Variants in SGMS2 observed in about 807,000 individuals in gnomAD.
SGMS2 encodes the protein sphingomyelin synthase 2.
SGMS2 carries 21 observed loss-of-function variants against 43.8 expected under a neutral mutation model. That is an observed-to-expected ratio of 0.48 (90% CI 0.34 to 0.69). The LOEUF is 0.69. SGMS2 is among the 30% of genes least tolerant of loss of function. The probability of loss-of-function intolerance (pLI) is 0.01; values close to 1 mark genes in which losing one functional copy is unlikely to be tolerated. For missense variants in SGMS2, 384 were observed against 443.2 expected (o/e 0.87, Z 1.20); for synonymous variants, 167 against 160.6 (o/e 1.04, Z -0.30).
rs751873442 is a variant in SGMS2 at position 107,895,516 on chromosome 4, C to A, written c.-38C>A. ...GCTAAATTTCCACAAAGAACAAGAA[C>A]TTGACCATCTCCTTTTTGATCTGAA... is the stretch of plus-strand genomic sequence containing the variant. On this transcript the variant is annotated 5_prime_UTR_variant, in exon 3 of 7. Coordinates refer to ENST00000690982, the MANE Select transcript of SGMS2 (RefSeq NM_001375905.1). 5 of 1,566,386 alleles carry A rather than the reference C, an allele frequency of 3.2e-6. No homozygotes were observed. In the Admixed American group the frequency reaches 7.6e-5, roughly 24 times the overall value.
chr4:107,887,076 G>T (rs1258806075), intron 2 of SGMS2, among the ~76,000 whole-genome samples: 1 of 152,118 alleles, frequency 6.6e-6, no homozygotes, highest in African/African-American at 2.4e-5. Context: ...AAGTTAAAAA[G>T]ATTACTTTAG....
At chr4:107,893,291 C>T (rs972855967) in intron 2 of SGMS2, 6 of 152,192 alleles carry the variant, frequency 3.9e-5, no homozygotes, top group Non-Finnish European at 5.9e-5. Flanking sequence ...GTTTCAAAAT[C>T]ACAAGCTTCT....
At chr4:107,879,153 T>G (rs766276690) in intron 2 of SGMS2, among the ~76,000 whole-genome samples, 4 of 151,972 alleles carry the variant, frequency 2.6e-5, no homozygotes, top group Non-Finnish European at 4.4e-5. Context: ...TTTCCCCCTT[T>G]TAATCTAGCT....
At chr4:107,862,406 A>G (rs1727787653) in intron 2 of SGMS2, among the ~76,000 whole-genome samples, 1 of 152,246 alleles carries the variant, frequency 6.6e-6, no homozygotes, top group Non-Finnish European at 1.5e-5. Flanking sequence ...AATTCTTGTT[A>G]TCAAAGAAAA....
At chr4:107,903,999 G>A (rs1251249300) in intron 5 of SGMS2, among the ~76,000 whole-genome samples, 1 of 152,082 alleles carries the variant, frequency 6.6e-6, no homozygotes, top group African/African-American at 2.4e-5. Flanking sequence ...TTCTATATTT[G>A]TATGCTTAGT....
Position 107,895,404 on chromosome 4 carries a change from G to A in SGMS2, c.-150G>A, listed in dbSNP as rs557209731. ...TAGCTGCATGGAAGAAACAGTAATC[G>A]GATGGCTACCTTCTACATTTTGTAT... On this transcript the variant is annotated 5_prime_UTR_variant, in exon 3 of 7. Transcript: ENST00000690982. 141 of 773,092 alleles carry A rather than the reference G, an allele frequency of 1.8e-4. 1 individual carries two copies. Among genetic ancestry groups the A allele is most frequent in the South Asian group, 1.4e-3 (72 of 52,554 alleles). 47.9% of individuals were successfully genotyped at this position (773,092 alleles called of 1,614,324 possible). A position where few individuals can be genotyped will look rare whatever the true frequency, so the allele number is the denominator to read the frequency against.
intron 2 of SGMS2, among the ~76,000 whole-genome samples, chr4:107,861,465 A>G (rs1727726946): frequency 6.6e-6 from 1 of 152,180 alleles, no homozygotes; most frequent in African/African-American, 2.4e-5. Flanking sequence ...ACGAACCCCA[A>G]ATTAGAAAAC....
Position 107,841,670 on chromosome 4 carries a change from CT to C in SGMS2, c.-327+16426del, listed in dbSNP as rs371098745. 5.2e-3 allele frequency among the ~76,000 whole-genome samples: 783 copies of C among 150,492 alleles called. 6 individuals carry two copies. Among genetic ancestry groups the C allele is most frequent in the African/African-American group, 0.018 (728 of 41,060 alleles). Reference sequence around the variant, plus strand: ...CATTGTAGGTGTATATACTTATGGCCTTTTTTTTTAAGAGACAGGGTCTCAC... The same window carrying C: ...CATTGTAGGTGTATATACTTATGGCCTTTTTTTTAAGAGACAGGGTCTCAC... On this transcript the variant is annotated intron_variant, in intron 1 of 6. Transcript: ENST00000690982.
Position 107,825,031 on chromosome 4 carries a change from G to A in SGMS2, c.-549G>A, listed in dbSNP as rs1167380529. On this transcript the variant is annotated 5_prime_UTR_variant, in exon 1 of 7. Coordinates refer to ENST00000690982, the MANE Select transcript of SGMS2 (RefSeq NM_001375905.1). ...GCAGCGCCGCCGAGTGCGGCCTCGG[G>A]GGCGGCGGCCGCGGGAGGGACCCGG... is the stretch of plus-strand genomic sequence containing the variant. 4 of 151,972 alleles carry A rather than the reference G, an allele frequency of 2.6e-5. No individual in the cohort carries two copies. Among genetic ancestry groups the A allele is most frequent in the Admixed American group, 2.0e-4 (3 of 15,242 alleles). 9.4% of individuals were successfully genotyped at this position (151,972 alleles called of 1,614,324 possible).
chr4:107,886,482 G>A (rs961711981), intron 2 of SGMS2, among the ~76,000 whole-genome samples: 1 of 149,150 alleles, frequency 6.7e-6, no homozygotes, highest in African/African-American at 2.5e-5. Context: ...CCAAAGTACT[G>A]AAATTACAGG....
chr4:107,837,551 T>C (rs534801995), intron 1 of SGMS2, among the ~76,000 whole-genome samples: 155 of 152,090 alleles, frequency 1.0e-3, no homozygotes, highest in African/African-American at 3.6e-3. Flanking sequence ...CCGAGTTGGG[T>C]AGGGCTGGCA....
At chr4:107,846,487 C>T (rs1187601950) in intron 1 of SGMS2, among the ~76,000 whole-genome samples, 2 of 149,412 alleles carry the variant, frequency 1.3e-5, no homozygotes, top group Admixed American at 6.7e-5. Flanking sequence ...GTATATGTGC[C>T]ACATTTTCTT....
intron 2 of SGMS2, among the ~76,000 whole-genome samples, chr4:107,887,740 A>G (rs1560661415): frequency 6.6e-6 from 1 of 152,258 alleles, no homozygotes; most frequent in Non-Finnish European, 1.5e-5. Context: ...AAGTGATAAC[A>G]CAAGGATAAA....
At chr4:107,879,281 A>G (rs1032981037) in intron 2 of SGMS2, among the ~76,000 whole-genome samples, 3 of 151,996 alleles carry the variant, frequency 2.0e-5, no homozygotes, top group Non-Finnish European at 4.4e-5. Flanking sequence ...GCTTTTCATT[A>G]GATAGTTCTT....
intron 2 of SGMS2, among the ~76,000 whole-genome samples, chr4:107,888,271 C>T (rs72675581): frequency 0.026 from 3,965 of 152,110 alleles, 68 homozygotes; most frequent in Middle Eastern, 0.044. Context: ...AGGCCTGTAA[C>T]TTAATGTCAC....
intron 1 of SGMS2, among the ~76,000 whole-genome samples, chr4:107,825,779 G>A (rs1164980664): frequency 6.6e-6 from 1 of 152,046 alleles, no homozygotes; most frequent in East Asian, 1.9e-4. Context: ...AAAATAAGGG[G>A]CGGGGAACCC....
intron 1 of SGMS2, among the ~76,000 whole-genome samples, chr4:107,844,713 AT>A (rs1291442749): frequency 6.6e-6 from 1 of 152,178 alleles, no homozygotes; most frequent in Non-Finnish European, 1.5e-5. Context: ...CTCCAAAAAA[AT>A]GTGTCTATTC....
At chr4:107,879,727 G>A (rs1465677875) in intron 2 of SGMS2, among the ~76,000 whole-genome samples, 1 of 152,182 alleles carries the variant, frequency 6.6e-6, no homozygotes, top group Non-Finnish European at 1.5e-5. Context: ...TTCCCAAAGT[G>A]CTGGGATTAT....
At chr4:107,847,597 G>A (rs1314235288) in intron 1 of SGMS2, among the ~76,000 whole-genome samples, 2 of 152,084 alleles carry the variant, frequency 1.3e-5, no homozygotes, top group Non-Finnish European at 2.9e-5. Context: ...GGCGATGCGG[G>A]CTGTTTTTTG....
Sources: allele counts gnomAD v4.1 joint callset (sites outside exome capture counted in the v4.1 genomes callset), GRCh38; gene constraint gnomAD v4.1.1; transcripts MANE v1.5; gene names NCBI Gene and HGNC (gene_info 2026-07-23, HGNC 2026-07-21).